The following GPR155 variants were observed in gnomAD, a reference collection of about 807,000 sequenced individuals.
GPR155 encodes lysosomal cholesterol signaling protein.
A neutral mutation model predicts 93.1 loss-of-function variants in GPR155; 65 were observed. That is an observed-to-expected ratio of 0.70 (90% CI 0.57 to 0.86). The LOEUF (loss-of-function observed/expected upper bound fraction) is 0.86, where lower values mean the gene tolerates loss of function less well. Among genes scored for constraint, GPR155 ranks in the 40% least tolerant of loss-of-function variants. The pLI is 0.00. For missense variants in GPR155, 838 were observed against 1,034.8 expected, an observed-to-expected ratio of 0.81 and a Z score of 2.61; for synonymous variants, 319 against 360.1, an observed-to-expected ratio of 0.89 and a Z score of 1.29.
chr2:174,473,057 G>C lies in GPR155; in HGVS notation c.768C>G (p.Ala256=). The change falls in exon 3 of 16, where the codon GCC becomes GCG. Residue 256 remains alanine, a synonymous_variant. Transcript: ENST00000392552. Reference sequence around the variant, plus strand: ...CCATCGTGAGACCAAGATAAAATAGGGCTGATCCAGAAAAAGAATTTCCAA... The same window carrying C: ...CCATCGTGAGACCAAGATAAAATAGCGCTGATCCAGAAAAAGAATTTCCAA... ...DGLGNSFSGS[A]LFYLGLTMVG... The C allele has an allele frequency of 1.2e-6, 2 of 1,600,476 alleles. No homozygotes were observed. Among genetic ancestry groups the C allele is most frequent in the Non-Finnish European group, 1.7e-6 (2 of 1,176,740 alleles).
At position 174,453,837 on chromosome 2, in the gene GPR155, G is replaced by A. The variant is rs755595882; in HGVS notation, c.1776C>T (p.Cys592=). The change falls in exon 11 of 16, where the codon TGC becomes TGT. Residue 592 remains cysteine, a synonymous_variant. Coordinates refer to ENST00000392552, the MANE Select transcript of GPR155 (RefSeq NM_152529.7). ...CACCATTTCCCATGGAGCAGGAGCA[G>A]CAACCTATATCAATCAAATAGTATG... is the stretch of plus-strand genomic sequence containing the variant. The part of the protein sequence containing the change: ...LFTSSIPETS[C]CSCSMGNGEL... 14 of 1,605,748 alleles carry A rather than the reference G, an allele frequency of 8.7e-6. No homozygotes were observed. The highest frequency in any genetic ancestry group is 1.2e-5 in the Non-Finnish European group (14 of 1,172,650).
intron 1 of GPR155, among the ~76,000 whole-genome samples, chr2:174,482,656 C>A (rs547620511): frequency 2.6e-5 from 4 of 152,172 alleles, no homozygotes; most frequent in African/African-American, 9.7e-5. Flanking sequence ...TCAAGCGATT[C>A]GTGTGCCACC....
chr2:174,472,878 G>T, intron 3 of GPR155, 87 bp downstream of exon 3: 1 of 1,015,154 alleles, frequency 9.9e-7, no homozygotes, highest in Non-Finnish European at 1.5e-6. Flanking sequence ...ATTCAAAGGG[G>T]AAAATGGTTG....
Position 174,442,118 on chromosome 2 carries a change from C to CCTT in GPR155, c.2172_2174dup (p.Arg725dup). The CCTT allele has an allele frequency of 7.7e-7, 1 of 1,299,984 alleles. No individual in the cohort carries two copies. Among genetic ancestry groups the CCTT allele is most frequent in the Non-Finnish European group, 1.1e-6 (1 of 895,246 alleles). 80.5% of individuals were successfully genotyped at this position (1,299,984 alleles called of 1,614,324 possible). On this transcript the variant is annotated inframe_insertion and splice_region_variant. Coordinates refer to ENST00000392552, the MANE Select transcript of GPR155 (RefSeq NM_152529.7). Reference sequence around the variant, plus strand: ...CAGATTTATTTCAAAACTTAATTTACCTTCTTTTGAAAGGCAGGATGATTA... The same window carrying CCTT: ...CAGATTTATTTCAAAACTTAATTTACCTTCTTCTTTTGAAAGGCAGGATGATTA...
At position 174,433,753 on chromosome 2, in the gene GPR155, G is replaced by A. The variant is rs1022672755; in HGVS notation, c.*2363C>T. On this transcript the variant is annotated 3_prime_UTR_variant, in exon 16 of 16. Coordinates refer to ENST00000392552, the MANE Select transcript of GPR155 (RefSeq NM_152529.7). The stretch of plus-strand genomic sequence containing the variant: ...CAGAAATTTGCCTTACCAGACACTA[G>A]ATCTGTTAGTGCCTTAATCTTGGAC... 1 of 152,152 alleles carries A rather than the reference G, an allele frequency of 6.6e-6. No homozygotes were observed. The highest frequency in any genetic ancestry group is 2.4e-5 in the African/African-American group (1 of 41,422). The allele number at this position is 152,152 out of a possible 1,614,324, so 9.4% of individuals were successfully genotyped here.
chr2:174,434,494 GATA>G lies in GPR155; in HGVS notation c.*1619_*1621del, dbSNP rs913336090. On this transcript the variant is annotated 3_prime_UTR_variant, in exon 16 of 16. Coordinates refer to ENST00000392552, the MANE Select transcript of GPR155 (RefSeq NM_152529.7). Reference sequence around the variant, plus strand: ...GATTGTACTTCTGCAGGACTGTGGAGATAATAATACATATGGAGGTTCTTATTC... The same window carrying G: ...GATTGTACTTCTGCAGGACTGTGGAGATAATACATATGGAGGTTCTTATTC... 15 of 151,996 alleles carry G rather than the reference GATA, an allele frequency of 9.9e-5. No individual in the cohort carries two copies. Among genetic ancestry groups the G allele is most frequent in the African/African-American group, 3.6e-4 (15 of 41,388 alleles). 9.4% of individuals were successfully genotyped at this position (151,996 alleles called of 1,614,324 possible). A position where few individuals can be genotyped will look rare whatever the true frequency, so the allele number is the denominator to read the frequency against.
chr2:174,456,613 T>A (rs1316743558), intron 10 of GPR155, among the ~76,000 whole-genome samples: 2 of 152,186 alleles, frequency 1.3e-5, no homozygotes, highest in African/African-American at 4.8e-5. Flanking sequence ...ACATCCTAGG[T>A]ATAATCTTGA....
chr2:174,432,898 G>A lies in GPR155; in HGVS notation c.*3218C>T, dbSNP rs2105649849. The stretch of plus-strand genomic sequence containing the variant: ...CCTGCCTCAGCCTCCCGAGTAGCTG[G>A]GACTATAGGTGCCCACCACCACGTC... On this transcript the variant is annotated 3_prime_UTR_variant, in exon 16 of 16. Coordinates refer to ENST00000392552, the MANE Select transcript of GPR155 (RefSeq NM_152529.7). 6.6e-6 allele frequency: 1 copy of A among 151,600 alleles called. No individual in the cohort carries two copies. The highest frequency in any genetic ancestry group is 1.5e-5 in the Non-Finnish European group (1 of 67,964). The allele number at this position is 151,600 out of a possible 1,614,324, so 9.4% of individuals were successfully genotyped here.
At position 174,436,431 on chromosome 2, in the gene GPR155, T is replaced by C; in HGVS notation, c.2313-15A>G. 4 of 1,612,228 alleles carry C rather than the reference T, an allele frequency of 2.5e-6. No homozygotes were observed. The highest frequency in any genetic ancestry group is 2.5e-6 in the Non-Finnish European group (3 of 1,178,628). ...TTGCACCACACCTGTGTCAAAGGAA[T>C]GATTCACCCATATTTTCTGTAAATC... On this transcript the variant is annotated splice_polypyrimidine_tract_variant and intron_variant, in intron 15 of 15. Transcript: ENST00000392552.
chr2:174,454,721 AGAAAG>A (rs1361315296), intron 10 of GPR155, among the ~76,000 whole-genome samples: 1 of 107,860 alleles, frequency 9.3e-6, no homozygotes, highest in African/African-American at 3.4e-5. Context: ...AAGGAAGGGA[AGAAAG>A]GGAAGGGAAG....
chr2:174,436,025 G>T lies in GPR155; in HGVS notation c.*91C>A. On this transcript the variant is annotated 3_prime_UTR_variant, in exon 16 of 16. Transcript: ENST00000392552. Reference sequence around the variant, plus strand: ...GAGACAACTGAGGCTCAGAGAGGTTGCCTCTGTTAACTTGCCCAAGGTCAC... The same window carrying T: ...GAGACAACTGAGGCTCAGAGAGGTTTCCTCTGTTAACTTGCCCAAGGTCAC... 1.0e-6 allele frequency: 1 copy of T among 956,924 alleles called. No individual in the cohort carries two copies. The highest frequency in any genetic ancestry group is 1.6e-6 in the Non-Finnish European group (1 of 617,294). 59.3% of individuals were successfully genotyped at this position (956,924 alleles called of 1,614,324 possible). A position where few individuals can be genotyped will look rare whatever the true frequency, so the allele number is the denominator to read the frequency against.
chr2:174,481,458 T>G, intron 2 of GPR155, 39 bp downstream of exon 2: 1 of 1,268,224 alleles, frequency 7.9e-7, no homozygotes, highest in Non-Finnish European at 1.1e-6. Context: ...AAATTAAAAT[T>G]GAATTTTTTA....
At chr2:174,449,101 G>C (rs1687242912) in intron 11 of GPR155, among the ~76,000 whole-genome samples, 1 of 152,034 alleles carries the variant, frequency 6.6e-6, no homozygotes, top group Non-Finnish European at 1.5e-5. Context: ...ACTTCTCAAA[G>C]AAGACATACA....
intron 2 of GPR155, among the ~76,000 whole-genome samples, chr2:174,473,596 C>A (rs1290436747): frequency 3.3e-5 from 5 of 151,952 alleles, no homozygotes; most frequent in Non-Finnish European, 5.9e-5. Flanking sequence ...ATTTTTAAAC[C>A]TCACTAATTT....
At chr2:174,469,442 A>G (rs985920333) in intron 4 of GPR155, among the ~76,000 whole-genome samples, 7 of 152,216 alleles carry the variant, frequency 4.6e-5, no homozygotes, top group African/African-American at 1.7e-4. Context: ...GAAAATTACC[A>G]TGCAAATATT....
At chr2:174,482,280 A>G (rs911934362) in intron 1 of GPR155, among the ~76,000 whole-genome samples, 1 of 152,224 alleles carries the variant, frequency 6.6e-6, no homozygotes, top group Admixed American at 6.5e-5. Flanking sequence ...GTAAAATAAG[A>G]TCCGCAAATA....
At position 174,460,036 on chromosome 2, in the gene GPR155, G is replaced by T. The variant is rs1687639586; in HGVS notation, c.1613C>A (p.Ser538Tyr). The T allele has an allele frequency of 1.6e-5, 26 of 1,613,858 alleles. No homozygotes were observed. The highest frequency in any genetic ancestry group is 2.2e-5 in the Non-Finnish European group (26 of 1,179,986). The change falls in exon 10 of 16, where the codon TCC (serine) becomes TAC (tyrosine). Residue 538 changes from serine (S) to tyrosine (Y), a missense_variant. Ser to Tyr is a moderately radical substitution (Grantham distance 144). This residue lies in a region of GPR155 where 663 missense variants were observed against 790.1 expected (regional missense o/e 0.84). Transcript: ENST00000392552. ...GGCAGTCTGGTTCATGCACATGAGGGATATGCCAGCTATCAGGATGCTGCA... is the reference window on the plus strand; with the variant it reads ...GGCAGTCTGGTTCATGCACATGAGGTATATGCCAGCTATCAGGATGCTGCA... ...LFCSILIAGI[S>Y]LMCMNQTAQA...
chr2:174,470,268 G>T, intron 4 of GPR155, 122 bp downstream of exon 4: 2 of 774,662 alleles, frequency 2.6e-6, no homozygotes, highest in Non-Finnish European at 4.0e-6. Flanking sequence ...GGGCAACATA[G>T]TGAGACCCCC....
intron 3 of GPR155, among the ~76,000 whole-genome samples, chr2:174,472,526 G>A (rs1038578707): frequency 6.6e-6 from 1 of 152,092 alleles, no homozygotes. Context: ...TAGAAAATTT[G>A]GCCAACCTCA....
Sources: allele counts gnomAD v4.1 joint callset (sites outside exome capture counted in the v4.1 genomes callset), GRCh38; gene constraint gnomAD v4.1.1; regional missense constraint gnomAD v4.1.1; transcripts MANE v1.5; gene names NCBI Gene and HGNC (gene_info 2026-07-23, HGNC 2026-07-21).